RERE: variants seen among roughly 807,000 people sequenced by gnomAD.
RERE encodes the protein arginine-glutamic acid dipeptide repeats.
Under a neutral mutation model 146.1 loss-of-function variants are expected in RERE, and 40 were observed. That is an observed-to-expected ratio of 0.27 (90% confidence interval 0.21 to 0.36). The LOEUF is 0.36. Ranked by LOEUF, RERE falls within the 10% of genes least tolerant of loss-of-function variation. RERE has a pLI of 1.00. For synonymous variants in RERE, 1,003 were observed against 866.0 expected (o/e 1.16, Z -2.78); for missense variants, 1,933 against 2,138.7 (o/e 0.90, Z 1.90).
chr1:8,603,547 T>C (rs1646659816), intron 4 of RERE, among the ~76,000 whole-genome samples: 1 of 152,240 alleles, frequency 6.6e-6, no homozygotes, highest in East Asian at 1.9e-4. Flanking sequence ...CAGAACTTTA[T>C]TGGTTTTGTA....
At chr1:8,482,612 T>C (rs1395967760) in intron 10 of RERE, among the ~76,000 whole-genome samples, 2 of 144,038 alleles carry the variant, frequency 1.4e-5, no homozygotes, top group Middle Eastern at 7.2e-3. Flanking sequence ...AACCCAGGAG[T>C]TGGAGCTTGC....
chr1:8,373,064 T>C (rs902355), intron 12 of RERE, among the ~76,000 whole-genome samples: 35,043 of 152,144 alleles, frequency 0.23, 4,701 homozygotes, highest in African/African-American at 0.36. Context: ...GAGCAGACTG[T>C]AGTTACGTGA....
intron 7 of RERE, among the ~76,000 whole-genome samples, chr1:8,536,348 G>A (rs1261968992): frequency 6.6e-6 from 1 of 152,078 alleles, no homozygotes; most frequent in Non-Finnish European, 1.5e-5. Context: ...AGATCCAAGA[G>A]GTGAGATCTT....
chr1:8,805,649 CAAAAAAA>C (rs1229860670), intron 1 of RERE, among the ~76,000 whole-genome samples: 2 of 60,578 alleles, frequency 3.3e-5, no homozygotes, highest in Non-Finnish European at 7.5e-5. Context: ...GAATCCGTCT[CAAAAAAA>C]AAAAAAAAAC....
rs1356935124 is a variant in RERE, at chr1:8,413,161, G to C, written c.1284+9566C>G. 3.3e-5 allele frequency among the ~76,000 whole-genome samples: 5 copies of C among 151,956 alleles called. No individual in the cohort carries two copies. In the East Asian group the frequency reaches 9.6e-4, roughly 29 times the overall value. The stretch of plus-strand genomic sequence containing the variant: ...TCATTTTAAGCAAATAAAAAGTAAG[G>C]GCTGTTACAGGACTCTAAGGGTGCC... On this transcript the variant is annotated intron_variant, in intron 12 of 22. Transcript: ENST00000400908.
chr1:8,502,908 T>C (rs1460628436), intron 8 of RERE, among the ~76,000 whole-genome samples: 1 of 151,018 alleles, frequency 6.6e-6, no homozygotes, highest in Admixed American at 6.6e-5. Flanking sequence ...TTAAGAGTCA[T>C]CACCACTCCC....
Position 8,360,491 on chromosome 1 carries a change from CG to C in RERE, c.3015del (p.Leu1007Ter). 35 of 1,180,276 alleles carry C rather than the reference CG, an allele frequency of 3.0e-5. No homozygotes were observed. The highest frequency in any genetic ancestry group is 3.3e-5 in the Non-Finnish European group (30 of 911,214). 73.1% of individuals were successfully genotyped at this position (1,180,276 alleles called of 1,614,324 possible). A position where few individuals can be genotyped will look rare whatever the true frequency, so the allele number is the denominator to read the frequency against. ...QPLPSSPAQP[P>X]GLTQSQNLPP... Reference sequence around the variant, plus strand: ...GGCAGGTTCTGGCTCTGGGTCAGCCCGGGGGGCTGGGCGGGCGAGGAGGGCA... The same window carrying C: ...GGCAGGTTCTGGCTCTGGGTCAGCCCGGGGGCTGGGCGGGCGAGGAGGGCA... On this transcript the variant is annotated frameshift_variant, in exon 18 of 23. Transcript: ENST00000400908. LOFTEE classifies it high-confidence loss of function.
chr1:8,360,247 G>A lies in RERE; in HGVS notation c.3260C>T (p.Pro1087Leu). The A allele has an allele frequency of 6.3e-7, 1 of 1,579,618 alleles. No homozygotes were observed. Among genetic ancestry groups the A allele is most frequent in the South Asian group, 1.2e-5 (1 of 86,738 alleles). Residue 1087 changes from proline (P) to leucine (L), a missense_variant, in exon 18 of 23, where the codon CCA becomes CTA. By Grantham distance (98) the Pro-to-Leu change is moderately conservative. Transcript: ENST00000400908. ...GGSIAGGSSC[P>L]LPTVQIKEEA... ...CTCCTTGATCTGGACGGTGGGGAGT[G>A]GGCAGGACGACCCCCCCGCTATGCT...
At chr1:8,366,324 C>T (rs991107260) in intron 12 of RERE, among the ~76,000 whole-genome samples, 4 of 152,220 alleles carry the variant, frequency 2.6e-5, no homozygotes, top group Non-Finnish European at 4.4e-5. Context: ...GATTCCTGCC[C>T]ACGAGGAGCT....
chr1:8,705,314 C>A (rs1165315935), intron 1 of RERE, among the ~76,000 whole-genome samples: 1 of 151,988 alleles, frequency 6.6e-6, no homozygotes, highest in Non-Finnish European at 1.5e-5. Flanking sequence ...TGCACCCAGC[C>A]CCCCACTTTG....
At chr1:8,625,838 C>G (rs1015957895) in intron 2 of RERE, among the ~76,000 whole-genome samples, 1 of 152,194 alleles carries the variant, frequency 6.6e-6, no homozygotes, top group Non-Finnish European at 1.5e-5. Context: ...AAGAAACTTT[C>G]TGCAGAACAT....
At chr1:8,716,107 T>G (rs935893774) in intron 1 of RERE, among the ~76,000 whole-genome samples, 2 of 150,666 alleles carry the variant, frequency 1.3e-5, no homozygotes, top group African/African-American at 4.9e-5. Flanking sequence ...ATCAAGCCAC[T>G]GCACTCCTTC....
rs542074134 is a variant in RERE at position 8,358,800 on chromosome 1, G to A, written c.3735C>T (p.Tyr1245=). The change falls in exon 20 of 23, where the codon TAC becomes TAT. Residue 1245 remains tyrosine (Y), a synonymous_variant. Coordinates refer to ENST00000400908, the MANE Select transcript of RERE (RefSeq NM_001042681.2). ...GAAGGGCAGGTGTGTCGGGCCCGATGTAGGGGGGCACAGCAGCAATGGTGG... is the reference window on the plus strand; with the variant it reads ...GAAGGGCAGGTGTGTCGGGCCCGATATAGGGGGGCACAGCAGCAATGGTGG... The part of the protein sequence containing the change: ...PPTTIAAVPP[Y]IGPDTPALRT... The A allele has an allele frequency of 1.9e-6, 3 of 1,612,644 alleles. No individual in the cohort carries two copies. Among genetic ancestry groups the A allele is most frequent in the Admixed American group, 3.3e-5 (2 of 59,846 alleles).
intron 4 of RERE, among the ~76,000 whole-genome samples, chr1:8,596,645 A>G (rs1216298530): frequency 6.7e-6 from 1 of 148,950 alleles, no homozygotes; most frequent in Middle Eastern, 3.2e-3. Context: ...AGTAGTTGGG[A>G]CTATAGCCAC....
chr1:8,642,672 T>C (rs1317619158), intron 2 of RERE, among the ~76,000 whole-genome samples: 1 of 152,236 alleles, frequency 6.6e-6, no homozygotes, highest in Admixed American at 6.5e-5. Context: ...ATGAGATTTA[T>C]AAGCTGAATT....
chr1:8,548,126 A>G (rs190978722), intron 6 of RERE, among the ~76,000 whole-genome samples: 32 of 152,338 alleles, frequency 2.1e-4, no homozygotes, highest in Admixed American at 1.3e-3. Flanking sequence ...TACCCTTCAT[A>G]TAAGAAAGAC....
At chr1:8,554,152 C>T (rs1241878827) in intron 6 of RERE, among the ~76,000 whole-genome samples, 1 of 152,184 alleles carries the variant, frequency 6.6e-6, no homozygotes. Flanking sequence ...AGCCACTGAG[C>T]TCCAGCCTGG....
chr1:8,796,534 G>A (rs958320647), intron 1 of RERE: 1 of 151,478 alleles, frequency 6.6e-6, no homozygotes, highest in Non-Finnish European at 1.5e-5. Context: ...AAAAAGGGAT[G>A]TCAAGAGGGA....
intron 4 of RERE, among the ~76,000 whole-genome samples, chr1:8,598,935 A>G (rs1484789982): frequency 6.6e-6 from 1 of 152,234 alleles, no homozygotes; most frequent in African/African-American, 2.4e-5. Flanking sequence ...ACTGAAGTAG[A>G]GAGTCTTAAC....
Sources: allele counts gnomAD v4.1 joint callset (sites outside exome capture counted in the v4.1 genomes callset), GRCh38; gene constraint gnomAD v4.1.1; transcripts MANE v1.5; gene names NCBI Gene and HGNC (gene_info 2026-07-23, HGNC 2026-07-21).